LETMD1: variants seen among roughly 807,000 people sequenced by gnomAD.
The protein encoded by LETMD1 is LETM1 domain-containing protein 1.
LETMD1 carries 30 observed loss-of-function variants against 43.9 expected under a neutral mutation model. The ratio of observed to expected loss-of-function variants is 0.68; its 90% CI spans 0.51 to 0.93. The LOEUF is 0.93. LETMD1 is among the 40% of genes least tolerant of loss of function. LETMD1 has a pLI of 0.00. For synonymous variants in LETMD1, 176 were observed against 163.1 expected (o/e 1.08, Z -0.60); for missense variants, 413 against 447.7 (o/e 0.92, Z 0.70).
At chr12:51,050,004 CCA>C (rs1369884220) in intron 2 of LETMD1, among the ~76,000 whole-genome samples, 1 of 152,082 alleles carries the variant, frequency 6.6e-6, no homozygotes, top group Admixed American at 6.6e-5. Context: ...TGCTTTTGCA[CCA>C]AATCTATAAT....
chr12:51,056,140 C>A lies in LETMD1; in HGVS notation c.661-4C>A. ...ACATCTACAAATCTCTTACCTCTTC[C>A]AAGATACAGCGTGGTACCCACCCAG... On this transcript the variant is annotated splice_region_variant and splice_polypyrimidine_tract_variant and intron_variant, in intron 5 of 8. Coordinates refer to ENST00000262055, the MANE Select transcript of LETMD1 (RefSeq NM_015416.5). 1.2e-6 allele frequency: 2 copies of A among 1,613,916 alleles called. No homozygotes were observed. Among genetic ancestry groups the A allele is most frequent in the Non-Finnish European group, 1.7e-6 (2 of 1,179,808 alleles).
At chr12:51,067,668 C>T in the LETMD1 span, 1 of 1,611,816 alleles carries the variant, frequency 6.2e-7, no homozygotes, top group African/African-American at 1.3e-5. This position sits in a 1 kb window ranked among gnomAD's most constrained non-coding sequence, Gnocchi z 4.1. Context: ...CCAACTTGGA[C>T]TGACCTGGCA....
At chr12:51,057,883 C>T in intron 7 of LETMD1, 149 bp from the exon 8 acceptor site, 1 of 703,514 alleles carries the variant, frequency 1.4e-6, no homozygotes, top group South Asian at 1.5e-5. Context: ...CCTCGGCCTC[C>T]CAAAGTGCTG....
chr12:51,059,168 T>G, intron 8 of LETMD1, 193 bp from the exon 9 acceptor site: 1 of 569,578 alleles, frequency 1.8e-6, no homozygotes, highest in Non-Finnish European at 3.2e-6. Flanking sequence ...GATGAGTTGA[T>G]ACGAATATAT....
At position 51,056,144 on chromosome 12, in the gene LETMD1, A is replaced by G; in HGVS notation, c.661A>G (p.Ile221Val). The G allele has an allele frequency of 6.2e-7, 1 of 1,614,098 alleles. No individual in the cohort carries two copies. Among genetic ancestry groups the G allele is most frequent in the African/African-American group, 1.3e-5 (1 of 75,040 alleles). Residue 221 changes from isoleucine (I) to valine (V), a missense_variant and splice_region_variant, in exon 6 of 9, where the codon ATA becomes GTA. Transcript: ENST00000262055. The part of the protein sequence containing the change: ...RWRLTDLCTK[I>V]QRGTHPAIHD... ...CTACAAATCTCTTACCTCTTCCAAGATACAGCGTGGTACCCACCCAGCAAT... is the reference window on the plus strand; with the variant it reads ...CTACAAATCTCTTACCTCTTCCAAGGTACAGCGTGGTACCCACCCAGCAAT...
chr12:51,062,133 C>T (rs2136816571), downstream of LETMD1: 1 of 152,272 alleles, frequency 6.6e-6, no homozygotes, highest in South Asian at 2.1e-4. Context: ...TTTTCAGGCT[C>T]AGAGTTTAGA....
At chr12:51,063,628 G>T, downstream of LETMD1, 1 of 796,042 alleles carries the variant, frequency 1.3e-6, no homozygotes, top group Non-Finnish European at 1.9e-6. Context: ...ATTCCCCAAA[G>T]ACCCCAATAA....
intron 2 of LETMD1, chr12:51,049,429 CT>C: frequency 2.5e-6 from 1 of 406,680 alleles, no homozygotes; most frequent in Non-Finnish European, 4.4e-6. Flanking sequence ...TAGGTATGTT[CT>C]CGTACTTTCT....
downstream of LETMD1, among the ~76,000 whole-genome samples, chr12:51,060,690 C>T (rs1948781153): frequency 6.6e-6 from 1 of 152,094 alleles, no homozygotes. Flanking sequence ...ATCACAAGGT[C>T]AGGAGATCAA....
chr12:51,063,056 T>C (rs564239712), downstream of LETMD1: 8 of 152,168 alleles, frequency 5.3e-5, no homozygotes, highest in Non-Finnish European at 7.4e-5. Flanking sequence ...AAAAGACACA[T>C]AGACAAGTTT....
the LETMD1 span, chr12:51,068,051 C>T: frequency 7.6e-7 from 1 of 1,317,474 alleles, no homozygotes; most frequent in East Asian, 2.3e-5. Context: ...CAGCACTGTC[C>T]CTTGAACCTT....
chr12:51,048,436 G>T lies in LETMD1; in HGVS notation c.80G>T (p.Arg27Met). Reference protein sequence around the residue: ...AVTPGHFVTRRLQLGRSGLAW... With the variant: ...AVTPGHFVTRMLQLGRSGLAW... ...ACCCCTGGACATTTTGTCACCCGGAGGCTGCAACTTGGTCGCTCTGGCCTG... is the reference window on the plus strand; with the variant it reads ...ACCCCTGGACATTTTGTCACCCGGATGCTGCAACTTGGTCGCTCTGGCCTG... Residue 27 changes from arginine (R) to methionine (M), a missense_variant, in exon 1 of 9, where the codon AGG becomes ATG. Physicochemically the swap from Arg to Met is moderately conservative, Grantham distance 91. Coordinates refer to ENST00000262055, the MANE Select transcript of LETMD1 (RefSeq NM_015416.5). 1 of 1,614,100 alleles carries T rather than the reference G, an allele frequency of 6.2e-7. No homozygotes were observed.
intron 2 of LETMD1, 100 bp from the exon 3 acceptor site, chr12:51,051,992 G>A: frequency 2.0e-6 from 2 of 1,007,576 alleles, no homozygotes; most frequent in Non-Finnish European, 2.9e-6. Context: ...GTTGGGGAGG[G>A]GTGAGAGTGT....
the LETMD1 span, chr12:51,067,700 G>C: frequency 1.2e-6 from 2 of 1,613,986 alleles, no homozygotes; most frequent in African/African-American, 2.7e-5. This position sits in a 1 kb window ranked among gnomAD's most constrained non-coding sequence, Gnocchi z 4.1. Context: ...CCTGGCTGCA[G>C]GCACACGCTT....
At chr12:51,060,684 C>T (rs573487313), downstream of LETMD1, among the ~76,000 whole-genome samples, 2 of 152,160 alleles carry the variant, frequency 1.3e-5, no homozygotes, top group South Asian at 4.1e-4. Flanking sequence ...GAGCGGATCA[C>T]AAGGTCAGGA....
chr12:51,064,710 A>C (rs748314697), downstream of LETMD1: 31 of 1,468,954 alleles, frequency 2.1e-5, no homozygotes, highest in Non-Finnish European at 2.5e-5. Flanking sequence ...TGAGACCTAC[A>C]ATCCTAACAA....
At chr12:51,048,942 A>G (rs868726484) in intron 1 of LETMD1, 92 bp from the exon 2 acceptor site, 1 of 1,226,830 alleles carries the variant, frequency 8.2e-7, no homozygotes, top group Non-Finnish European at 1.1e-6. Context: ...TTGGGATACA[A>G]TCTCCGAGAC....
In LETMD1 at chr12:51,059,484, A is replaced by AG. The variant is rs1948632851; in HGVS notation, c.*55dup. 3.3e-6 allele frequency: 5 copies of AG among 1,495,824 alleles called. No homozygotes were observed. In the Middle Eastern group the frequency reaches 6.8e-4, roughly 204 times the overall value. 92.7% of individuals were successfully genotyped at this position (1,495,824 alleles called of 1,614,324 possible). ...CTGCAGTCGTATAGTATAGCAGTGC[A>AG]GGAACAAACAGCACTTGCCAGCAAA... On this transcript the variant is annotated 3_prime_UTR_variant, in exon 9 of 9. Transcript: ENST00000262055.
chr12:51,056,638 T>C (rs1443210529), intron 7 of LETMD1, 136 bp downstream of exon 7: 4 of 665,856 alleles, frequency 6.0e-6, no homozygotes, highest in Non-Finnish European at 1.0e-5. Flanking sequence ...TTCATTTATT[T>C]ATTTATGATT....
Sources: allele counts gnomAD v4.1 joint callset (sites outside exome capture counted in the v4.1 genomes callset), GRCh38; gene constraint gnomAD v4.1.1; non-coding constraint Gnocchi (gnomAD v3.1); transcripts MANE v1.5; gene names NCBI Gene and HGNC (gene_info 2026-07-23, HGNC 2026-07-21).